Variants in FGD4 observed in about 807,000 individuals in gnomAD.
The protein encoded by FGD4 is FYVE, RhoGEF and PH domain-containing protein 4.
FGD4 carries 42 observed loss-of-function variants against 102.0 expected under a neutral mutation model. That is an observed-to-expected ratio of 0.41 (90% CI 0.32 to 0.53). FGD4 has a LOEUF of 0.53. Ranked by LOEUF, FGD4 falls within the 20% of genes least tolerant of loss-of-function variation. The pLI, the probability that FGD4 is intolerant of heterozygous loss-of-function variation, is 0.21. For synonymous variants in FGD4, 380 were observed against 375.7 expected (o/e 1.01, Z -0.13); for missense variants, 902 against 1,078.2 (o/e 0.84, Z 2.29).
intron 1 of FGD4, among the ~76,000 whole-genome samples, chr12:32,416,005 C>T (rs919375775): frequency 1.3e-5 from 2 of 152,040 alleles, no homozygotes; most frequent in African/African-American, 2.4e-5. Flanking sequence ...TTTATCCATT[C>T]AGCCTCTCCA....
At chr12:32,428,805 G>A (rs895883184) in intron 1 of FGD4, among the ~76,000 whole-genome samples, 8 of 152,062 alleles carry the variant, frequency 5.3e-5, no homozygotes, top group Non-Finnish European at 8.8e-5. Flanking sequence ...CCTTTCTTCC[G>A]TGTGATTGAT....
At chr12:32,558,955 G>C (rs918901125) in intron 1 of FGD4, among the ~76,000 whole-genome samples, 4 of 152,166 alleles carry the variant, frequency 2.6e-5, no homozygotes, top group Admixed American at 1.3e-4. Flanking sequence ...TATTTAAATC[G>C]GATACCTCTC....
At chr12:32,588,542 C>T (rs555596001) in intron 4 of FGD4, among the ~76,000 whole-genome samples, 4 of 152,144 alleles carry the variant, frequency 2.6e-5, no homozygotes, top group African/African-American at 7.2e-5. Flanking sequence ...ATTGAAGTGT[C>T]GATTTGGGCA....
rs572680392 is a variant in FGD4 at position 32,544,470 on chromosome 12, C to T, written c.167-19667C>T. On this transcript the variant is annotated intron_variant, in intron 1 of 16. Transcript: ENST00000534526. The surrounding 1 kb of genome is among the most constrained non-coding windows in gnomAD (Gnocchi z 4.1). ...TTTTGGCTGGGTGCAGTGGCTCATG[C>T]CTGTAATCCCAGCACTCTGGGAGGC... Among the ~76,000 whole-genome samples, 1 of 151,456 alleles carries T rather than the reference C, an allele frequency of 6.6e-6. No individual in the cohort carries two copies. The highest frequency in any genetic ancestry group is 2.1e-4 in the South Asian group (1 of 4,766).
intron 1 of FGD4, among the ~76,000 whole-genome samples, chr12:32,550,406 A>T (rs1198089293): frequency 6.6e-6 from 1 of 152,156 alleles, no homozygotes; most frequent in African/African-American, 2.4e-5. Context: ...GTGGTGGCTC[A>T]TGCCTGTAAT....
intron 1 of FGD4, among the ~76,000 whole-genome samples, chr12:32,551,141 G>A (rs1943639424): frequency 6.6e-6 from 1 of 152,202 alleles, no homozygotes; most frequent in African/African-American, 2.4e-5. Context: ...CTAACAGGCG[G>A]TGCTAAAGCC....
At chr12:32,412,402 G>A (rs1941243344) in intron 1 of FGD4, among the ~76,000 whole-genome samples, 1 of 152,128 alleles carries the variant, frequency 6.6e-6, no homozygotes, top group South Asian at 2.1e-4. Context: ...ATTTTTAAGG[G>A]CTTTTAATTC....
chr12:32,502,215 A>T, intron 1 of FGD4: 1 of 985,476 alleles, frequency 1.0e-6, no homozygotes, highest in Non-Finnish European at 1.2e-6. Flanking sequence ...GCTGGGTGAG[A>T]TTATCTGCAA....
chr12:32,471,843 C>T (rs1245032919), intron 1 of FGD4, among the ~76,000 whole-genome samples: 1 of 152,140 alleles, frequency 6.6e-6, no homozygotes, highest in East Asian at 1.9e-4. Context: ...ACCAGCACAG[C>T]ATCATTTCTG....
chr12:32,547,549 T>G (rs1565826279), intron 1 of FGD4, among the ~76,000 whole-genome samples: 1 of 152,148 alleles, frequency 6.6e-6, no homozygotes, highest in Non-Finnish European at 1.5e-5. Flanking sequence ...TTGAGTGGAG[T>G]AAATGAAATA....
intron 1 of FGD4, among the ~76,000 whole-genome samples, chr12:32,467,214 G>A (rs1012925487): frequency 6.6e-6 from 1 of 152,124 alleles, no homozygotes; most frequent in Non-Finnish European, 1.5e-5. Context: ...GAGGATTACA[G>A]TTTGGTAAAA....
At chr12:32,599,564 T>TTTGG (rs1948220852) in intron 5 of FGD4, among the ~76,000 whole-genome samples, 1 of 77,772 alleles carries the variant, frequency 1.3e-5, no homozygotes, top group Non-Finnish European at 2.4e-5. Flanking sequence ...TTTTTTTTTT[T>TTTGG]GGAGATGGAG....
intron 1 of FGD4, among the ~76,000 whole-genome samples, chr12:32,480,675 A>AT (rs1474030370): frequency 6.7e-6 from 1 of 148,462 alleles, no homozygotes; most frequent in East Asian, 2.0e-4. Context: ...TAATTTTTGT[A>AT]TTTTTAGTAG....
At chr12:32,495,088 A>G (rs1482821144) in intron 1 of FGD4, among the ~76,000 whole-genome samples, 1 of 152,126 alleles carries the variant, frequency 6.6e-6, no homozygotes, top group Non-Finnish European at 1.5e-5. Context: ...AACATGTTTA[A>G]TACTTCTTAC....
At position 32,513,497 on chromosome 12, in the gene FGD4, A is replaced by G. The variant is rs975364172; in HGVS notation, c.167-50640A>G. 4.6e-5 allele frequency among the ~76,000 whole-genome samples: 7 copies of G among 152,170 alleles called. No homozygotes were observed. In the South Asian group the frequency reaches 8.3e-4, roughly 18 times the overall value. On this transcript the variant is annotated intron_variant, in intron 1 of 16. Coordinates refer to ENST00000534526, the MANE Select transcript of FGD4 (RefSeq NM_001370298.3). ...ATGGTTCTTTATACATTTTGGGAAG[A>G]TGACTCTGATGGAACTGCGGAGGAG... is the stretch of plus-strand genomic sequence containing the variant.
At chr12:32,583,323 C>T (rs1454597039) in intron 4 of FGD4, among the ~76,000 whole-genome samples, 2 of 151,888 alleles carry the variant, frequency 1.3e-5, no homozygotes, top group South Asian at 2.1e-4. Flanking sequence ...GGTGACAGAG[C>T]GAAACCCTGT....
rs1020680607 is a variant in FGD4 at position 32,484,082 on chromosome 12, C to CA, written c.167-80047dup. ...ATGTATAATACCTTGGAAATTACAC[C>CA]AAAAAAAATCCGTTGGGAGCTCTGA... On this transcript the variant is annotated intron_variant, in intron 1 of 16. Transcript: ENST00000534526. Among the ~76,000 whole-genome samples the CA allele has an allele frequency of 1.9e-4, 29 of 151,612 alleles. No homozygotes were observed. The East Asian group carries it at 3.7e-3, about 19-fold the overall frequency.
intron 1 of FGD4, among the ~76,000 whole-genome samples, chr12:32,512,266 G>A (rs1939450876): frequency 6.6e-6 from 1 of 152,028 alleles, no homozygotes. Flanking sequence ...GGCCAACATA[G>A]TGAAACTCCC....
intron 10 of FGD4, among the ~76,000 whole-genome samples, chr12:32,617,704 A>G (rs1394493051): frequency 6.6e-6 from 1 of 152,192 alleles, no homozygotes; most frequent in Non-Finnish European, 1.5e-5. Flanking sequence ...AGTTGCTATA[A>G]CTTCTTTTTT....
Sources: gnomAD v4.1 joint callset for allele counts (sites outside exome capture counted in the v4.1 genomes callset) on GRCh38, gnomAD v4.1.1 for gene constraint, Gnocchi (gnomAD v3.1) non-coding constraint, MANE v1.5 for transcripts, NCBI Gene and HGNC (gene_info 2026-07-23, HGNC 2026-07-21) for gene names.